The following BCL9 variants were observed in gnomAD, a reference collection of about 807,000 sequenced individuals.
BCL9 encodes the protein B-cell CLL/lymphoma 9 protein.
BCL9 carries 25 observed loss-of-function variants against 88.5 expected under a neutral mutation model. That is an observed-to-expected ratio of 0.28 (90% CI 0.21 to 0.39). BCL9 has a LOEUF of 0.39. BCL9 is among the 10% of genes least tolerant of loss of function. BCL9 has a pLI of 1.00. For synonymous variants in BCL9, 711 were observed against 673.3 expected (o/e 1.06, Z -0.87); for missense variants, 1,817 against 1,877.8 (o/e 0.97, Z 0.60).
At chr1:147,574,180 C>G (rs1656010899) in intron 1 of BCL9, among the ~76,000 whole-genome samples, 2 of 152,146 alleles carry the variant, frequency 1.3e-5, no homozygotes, top group Non-Finnish European at 2.9e-5. Flanking sequence ...CCTGTGATGA[C>G]TGTGGTAAGA....
chr1:147,558,767 G>T (rs1553195726), intron 1 of BCL9, among the ~76,000 whole-genome samples: 8 of 152,142 alleles, frequency 5.3e-5, no homozygotes, highest in Non-Finnish European at 1.2e-4. Flanking sequence ...CTACTATACT[G>T]AATGCACTTC....
At chr1:147,599,492 C>CT (rs1472628307) in intron 1 of BCL9, among the ~76,000 whole-genome samples, 4 of 136,450 alleles carry the variant, frequency 2.9e-5, no homozygotes, top group African/African-American at 1.4e-4. Flanking sequence ...TCCTGGCCCC[C>CT]CGCCCCCCTC....
intron 1 of BCL9, among the ~76,000 whole-genome samples, chr1:147,602,900 T>C (rs1434871507): frequency 6.6e-6 from 1 of 152,238 alleles, no homozygotes; most frequent in Non-Finnish European, 1.5e-5. Context: ...GCCTTGGATG[T>C]AGAATCAGGA....
At chr1:147,582,975 A>C (rs1338514202) in intron 1 of BCL9, among the ~76,000 whole-genome samples, 10 of 152,352 alleles carry the variant, frequency 6.6e-5, no homozygotes, top group African/African-American at 2.4e-4. Flanking sequence ...GCAAGTCAAC[A>C]AATATTTACC....
rs112954806 is a variant in BCL9 at position 147,573,233 on chromosome 1, C to G, written c.-477-31544C>G. ...TGGGAGGACCATGTGGGTGGATCATCTGAGGTCAGGAGTTCAAGACCAGCC... is the reference window on the plus strand; with the variant it reads ...TGGGAGGACCATGTGGGTGGATCATGTGAGGTCAGGAGTTCAAGACCAGCC... On this transcript the variant is annotated intron_variant, in intron 1 of 9. Coordinates refer to ENST00000234739, the MANE Select transcript of BCL9 (RefSeq NM_004326.4). 8.5e-4 allele frequency among the ~76,000 whole-genome samples: 129 copies of G among 152,298 alleles called. 1 individual carries two copies. The highest frequency in any genetic ancestry group is 3.4e-3 in the Middle Eastern group (1 of 294).
rs72473603 is a variant in BCL9, at chr1:147,548,979, CT to C, written c.-478+7322del. Reference sequence around the variant, plus strand: ...TCAAATTCTCTCCTTTTCTTTCTTTCTTTTTTTTTTTTTTTTTGACTGAGTT... The same window carrying C: ...TCAAATTCTCTCCTTTTCTTTCTTTCTTTTTTTTTTTTTTTTGACTGAGTT... On this transcript the variant is annotated intron_variant, in intron 1 of 9. Transcript: ENST00000234739. 1.7e-4 allele frequency among the ~76,000 whole-genome samples: 19 copies of C among 111,312 alleles called. 1 individual carries two copies. Among genetic ancestry groups the C allele is most frequent in the African/African-American group, 4.3e-4 (13 of 30,384 alleles). 73.0% of individuals were successfully genotyped at this position (111,312 alleles called of 152,430 possible).
chr1:147,562,122 A>T (rs1056354603), intron 1 of BCL9, among the ~76,000 whole-genome samples: 2 of 152,220 alleles, frequency 1.3e-5, no homozygotes, highest in African/African-American at 4.8e-5. Context: ...TGAGGTCGGG[A>T]GTTCAAGACC....
chr1:147,593,354 T>C (rs1553200136), intron 1 of BCL9, among the ~76,000 whole-genome samples: 3 of 152,336 alleles, frequency 2.0e-5, no homozygotes, highest in Middle Eastern at 3.4e-3. Flanking sequence ...TTATATACAT[T>C]GTCACACATC....
At position 147,618,921 on chromosome 1, in the gene BCL9, C is replaced by T; in HGVS notation, c.766C>T (p.Pro256Ser). 6.2e-7 allele frequency: 1 copy of T among 1,613,948 alleles called. No individual in the cohort carries two copies. ...TTCTTCCCAGAATACCAGACTGCAG[C>T]CAACTCCACCCATTCCGGCACCAGC... ...QNSSQNTRLQ[P>S]TPPIPAPAPK... is the part of the protein sequence containing the mutation. The change falls in exon 8 of 10, where the codon CCA (proline) becomes TCA (serine). Residue 256 changes from proline (P) to serine (S), a missense_variant. Physicochemically the swap from Pro to Ser is moderately conservative, Grantham distance 74. Around this residue, in one of 2 missense-constraint regions of BCL9, gnomAD observed 1,228 missense variants for 1,191.6 expected, o/e 1.03. Coordinates refer to ENST00000234739, the MANE Select transcript of BCL9 (RefSeq NM_004326.4).
At chr1:147,596,246 C>T (rs1657043218) in intron 1 of BCL9, among the ~76,000 whole-genome samples, 1 of 152,130 alleles carries the variant, frequency 6.6e-6, no homozygotes, top group South Asian at 2.1e-4. Flanking sequence ...GGATGAAGCT[C>T]TGGGACTCCC....
At chr1:147,594,754 G>A (rs1417480347) in intron 1 of BCL9, among the ~76,000 whole-genome samples, 1 of 152,212 alleles carries the variant, frequency 6.6e-6, no homozygotes, top group Admixed American at 6.5e-5. Flanking sequence ...GGGAGGAAAG[G>A]ATATTCATTA....
Position 147,619,958 on chromosome 1 carries a change from T to A in BCL9, c.1803T>A (p.Asp601Glu), listed in dbSNP as rs782742064. The change falls in exon 8 of 10, where the codon GAT (aspartate) becomes GAA (glutamate). Residue 601 changes from aspartate (D) to glutamate (E), a missense_variant. Asp to Glu is a conservative substitution (Grantham distance 45). Transcript: ENST00000234739. The surrounding 1 kb of genome is among the most constrained non-coding windows in gnomAD (Gnocchi z 4.1). ...SWPDDVPKIP[D>E]GRNFPPGQGI... The stretch of plus-strand genomic sequence containing the variant: ...CAGATGATGTGCCAAAAATCCCAGA[T>A]GGTCGAAATTTTCCTCCTGGCCAGG... 1.1e-5 allele frequency: 17 copies of A among 1,614,198 alleles called. No homozygotes were observed. The South Asian group carries it at 1.9e-4, about 18-fold the overall frequency.
chr1:147,579,016 C>A (rs142315514), intron 1 of BCL9, among the ~76,000 whole-genome samples: 2,899 of 152,206 alleles, frequency 0.019, 47 homozygotes, highest in Non-Finnish European at 0.033. Flanking sequence ...CAGGCGCCTG[C>A]CACCACACCC....
chr1:147,587,485 G>T (rs1553199376), intron 1 of BCL9, among the ~76,000 whole-genome samples: 1 of 152,134 alleles, frequency 6.6e-6, no homozygotes, highest in Non-Finnish European at 1.5e-5. Flanking sequence ...GTACTAGATT[G>T]CAAGCCCCCT....
At position 147,614,549 on chromosome 1, in the gene BCL9, G is replaced by C; in HGVS notation, c.493G>C (p.Glu165Gln). Residue 165 changes from glutamate (E) to glutamine (Q), a missense_variant, in exon 6 of 10, where the codon GAG (glutamate) becomes CAG (glutamine). Physicochemically the swap from Glu to Gln is conservative, Grantham distance 29. This residue lies in a region of BCL9 where 1,228 missense variants were observed against 1,191.6 expected (regional missense o/e 1.03). Coordinates refer to ENST00000234739, the MANE Select transcript of BCL9 (RefSeq NM_004326.4). ...TPSHGQTTAT[E>Q]PTPAQKTPAK... ...CTCCCATGGCCAAACTACTGCCACAGAGCCCACACCTGCTCAGAAGACTCC... is the reference window on the plus strand; with the variant it reads ...CTCCCATGGCCAAACTACTGCCACACAGCCCACACCTGCTCAGAAGACTCC... 1 of 1,613,962 alleles carries C rather than the reference G, an allele frequency of 6.2e-7. No individual in the cohort carries two copies. The highest frequency in any genetic ancestry group is 1.1e-5 in the South Asian group (1 of 91,074).
chr1:147,615,477 C>T (rs924134375), intron 6 of BCL9, among the ~76,000 whole-genome samples: 2 of 152,144 alleles, frequency 1.3e-5, no homozygotes, highest in Non-Finnish European at 2.9e-5. Context: ...TCATCTTCCC[C>T]CTTCTTGGGT....
intron 8 of BCL9, among the ~76,000 whole-genome samples, chr1:147,621,932 C>A (rs1430931709): frequency 6.6e-6 from 1 of 152,162 alleles, no homozygotes; most frequent in African/African-American, 2.4e-5. Context: ...CTGTGATTGG[C>A]AAGGGAAAGA....
chr1:147,566,775 A>AAT (rs1655622065), intron 1 of BCL9, among the ~76,000 whole-genome samples: 1 of 136,252 alleles, frequency 7.3e-6, no homozygotes, highest in African/African-American at 2.6e-5. Flanking sequence ...AGAAAAAAAA[A>AAT]GAAAGTCATG....
intron 1 of BCL9, among the ~76,000 whole-genome samples, chr1:147,600,681 G>A (rs1258779759): frequency 1.3e-5 from 2 of 152,094 alleles, no homozygotes; most frequent in African/African-American, 4.8e-5. Flanking sequence ...TTGGAGGGGC[G>A]AGATGGAGAG....
Sources: allele counts gnomAD v4.1 joint callset (sites outside exome capture counted in the v4.1 genomes callset), GRCh38; gene constraint gnomAD v4.1.1; regional missense constraint gnomAD v4.1.1; non-coding constraint Gnocchi (gnomAD v3.1); transcripts MANE v1.5; gene names NCBI Gene and HGNC (gene_info 2026-07-23, HGNC 2026-07-21).